The following EEFSEC variants were observed in gnomAD, a reference collection of about 807,000 sequenced individuals.
The protein encoded by EEFSEC is eukaryotic elongation factor, selenocysteine-tRNA specific.
In EEFSEC, 43 loss-of-function variants were observed where a neutral mutation model predicts 42.1. The observed-to-expected ratio is 1.02, with a 90% confidence interval of 0.80 to 1.32. The LOEUF (loss-of-function observed/expected upper bound fraction) is 1.32. Ranked by LOEUF, EEFSEC falls within the 40% of genes most tolerant of loss-of-function variation. The pLI, the probability that EEFSEC is intolerant of heterozygous loss-of-function variation, is 0.00. For synonymous variants in EEFSEC, 354 were observed against 339.1 expected (o/e 1.04, Z -0.48); for missense variants, 745 against 803.6 (o/e 0.93, Z 0.88).
chr3:128,295,077 G>T (rs1477306753), intron 4 of EEFSEC, among the ~76,000 whole-genome samples: 1 of 152,212 alleles, frequency 6.6e-6, no homozygotes, highest in Non-Finnish European at 1.5e-5. Context: ...GCTGGAATGT[G>T]CTCAGTTGAG....
intron 4 of EEFSEC, among the ~76,000 whole-genome samples, chr3:128,267,598 G>A (rs1238383285): frequency 4.6e-5 from 7 of 152,214 alleles, no homozygotes; most frequent in African/African-American, 1.4e-4. Context: ...GGAAGGAACT[G>A]TTAGCAAACA....
At chr3:128,414,309 G>C in the EEFSEC span, among the ~76,000 whole-genome samples, 1 of 152,088 alleles carries the variant, frequency 6.6e-6, no homozygotes, top group African/African-American at 2.4e-5. Flanking sequence ...TTCCACCCTG[G>C]GCCTGCCCCC....
intron 5 of EEFSEC, among the ~76,000 whole-genome samples, chr3:128,345,040 C>G (rs952881718): frequency 2.6e-5 from 4 of 152,206 alleles, no homozygotes; most frequent in Non-Finnish European, 5.9e-5. Context: ...ATCCGACAGA[C>G]TGGTCCAATG....
At chr3:128,199,693 GC>G (rs1259406294) in intron 1 of EEFSEC, among the ~76,000 whole-genome samples, 1 of 152,134 alleles carries the variant, frequency 6.6e-6, no homozygotes, top group Non-Finnish European at 1.5e-5. Context: ...TTGCCAAATT[GC>G]CCCTCCCTGC....
chr3:128,399,411 C>T (rs945868662), intron 6 of EEFSEC, among the ~76,000 whole-genome samples: 2 of 152,256 alleles, frequency 1.3e-5, no homozygotes, highest in Non-Finnish European at 2.9e-5. Context: ...TCGGAAAGAG[C>T]GAGGCTCCTG....
At chr3:128,414,215 T>G in the EEFSEC span, among the ~76,000 whole-genome samples, 6 of 152,220 alleles carry the variant, frequency 3.9e-5, no homozygotes, top group East Asian at 1.2e-3. Flanking sequence ...AGAGGCAGGC[T>G]GGAGGGTCTG....
the EEFSEC span, among the ~76,000 whole-genome samples, chr3:128,416,812 G>T: frequency 2.0e-5 from 3 of 152,152 alleles, no homozygotes; most frequent in African/African-American, 7.2e-5. Context: ...TGCCGAGAAA[G>T]GGCAATGGAG....
chr3:128,358,350 G>C lies in EEFSEC; in HGVS notation c.1577G>C (p.Gly526Ala). 6.2e-7 allele frequency: 1 copy of C among 1,614,226 alleles called. No homozygotes were observed. Among genetic ancestry groups the C allele is most frequent in the South Asian group, 1.1e-5 (1 of 91,084 alleles). ...ATCGACAGTGCCTTCGGCCAGAGCG[G>C]CAAGTTCAAGATCCACATCCCAGGT... ...GIIDSAFGQSGKFKIHIPGGL... is the reference protein window; with the variant it reads ...GIIDSAFGQSAKFKIHIPGGL... The change falls in exon 6 of 7, where the codon GGC (glycine) becomes GCC (alanine). Residue 526 changes from glycine (G) to alanine (A), a missense_variant. Coordinates refer to ENST00000254730, the MANE Select transcript of EEFSEC (RefSeq NM_021937.5).
intron 1 of EEFSEC, among the ~76,000 whole-genome samples, chr3:128,235,091 G>GTCT (rs2065994545): frequency 1.3e-5 from 2 of 151,968 alleles, no homozygotes; most frequent in South Asian, 4.2e-4. Context: ...TTGAGGCAGG[G>GTCT]TCTCATTCTG....
chr3:128,176,549 A>G (rs1047871239), intron 1 of EEFSEC, among the ~76,000 whole-genome samples: 14 of 152,214 alleles, frequency 9.2e-5, no homozygotes, highest in Non-Finnish European at 1.9e-4. Flanking sequence ...TCACTGCTAC[A>G]TGCAAATGTA....
At chr3:128,228,371 G>A (rs1166804757) in intron 1 of EEFSEC, among the ~76,000 whole-genome samples, 1 of 152,198 alleles carries the variant, frequency 6.6e-6, no homozygotes, top group Non-Finnish European at 1.5e-5. Context: ...AGGCTGGGTT[G>A]CCAGAGAAAG....
intron 4 of EEFSEC, among the ~76,000 whole-genome samples, chr3:128,312,601 G>A (rs940925041): frequency 8.5e-5 from 13 of 152,224 alleles, no homozygotes; most frequent in South Asian, 2.1e-4. Flanking sequence ...GAATGTTCCC[G>A]CTAATGAGAA....
At chr3:128,387,312 A>G (rs191209104) in intron 6 of EEFSEC, among the ~76,000 whole-genome samples, 2 of 152,248 alleles carry the variant, frequency 1.3e-5, no homozygotes, top group Admixed American at 1.3e-4. Flanking sequence ...TTTCATAAAA[A>G]TATCCACATG....
At chr3:128,423,723 A>G in the EEFSEC span, among the ~76,000 whole-genome samples, 5 of 152,164 alleles carry the variant, frequency 3.3e-5, no homozygotes, top group Non-Finnish European at 5.9e-5. Context: ...TTTTCAGGGG[A>G]CAGGGTGTTC....
chr3:128,208,747 C>T (rs905905912), intron 1 of EEFSEC, among the ~76,000 whole-genome samples: 2 of 152,190 alleles, frequency 1.3e-5, no homozygotes, highest in Non-Finnish European at 2.9e-5. Context: ...AGTCACAGCT[C>T]ACCCAGTGAG....
chr3:128,155,838 A>G (rs929457988), intron 1 of EEFSEC, among the ~76,000 whole-genome samples: 4 of 152,236 alleles, frequency 2.6e-5, no homozygotes, highest in East Asian at 1.9e-4. Flanking sequence ...AGTAGAGGAA[A>G]TAGAAGTTTG....
chr3:128,336,205 G>A (rs1576648259), intron 4 of EEFSEC, among the ~76,000 whole-genome samples: 1 of 152,200 alleles, frequency 6.6e-6, no homozygotes, highest in African/African-American at 2.4e-5. Context: ...CCTGGGAGCT[G>A]TTCTTTACAC....
At chr3:128,186,451 C>A (rs1349278359) in intron 1 of EEFSEC, among the ~76,000 whole-genome samples, 2 of 152,106 alleles carry the variant, frequency 1.3e-5, no homozygotes, top group Admixed American at 1.3e-4. Flanking sequence ...TATTTATTTA[C>A]TTTTGTTGCT....
intron 6 of EEFSEC, among the ~76,000 whole-genome samples, chr3:128,405,380 G>A (rs926727055): frequency 6.6e-6 from 1 of 152,174 alleles, no homozygotes; most frequent in Non-Finnish European, 1.5e-5. Context: ...ATTGTCAGAA[G>A]CCCTCTGAAA....
Sources: gnomAD v4.1 joint callset for allele counts (sites outside exome capture counted in the v4.1 genomes callset) on GRCh38, gnomAD v4.1.1 for gene constraint, MANE v1.5 for transcripts, NCBI Gene and HGNC (gene_info 2026-07-23, HGNC 2026-07-21) for gene names.